The following TACC2 variants were observed in gnomAD, a reference collection of about 807,000 sequenced individuals.
The protein encoded by TACC2 is transforming acidic coiled-coil containing protein 2.
TACC2 carries 137 observed loss-of-function variants against 227.3 expected under a neutral mutation model. The ratio of observed to expected loss-of-function variants is 0.60; its 90% CI spans 0.52 to 0.69. The LOEUF is 0.69. Among genes scored for constraint, TACC2 ranks in the 30% least tolerant of loss-of-function variants. The pLI, the probability that TACC2 is intolerant of heterozygous loss-of-function variation, is 0.00. For synonymous variants in TACC2, 1,523 were observed against 1,487.5 expected (o/e 1.02, Z -0.55); for missense variants, 3,470 against 3,694.4 (o/e 0.94, Z 1.57).
chr10:122,066,058 A>G (rs138575759), intron 3 of TACC2, among the ~76,000 whole-genome samples: 1,674 of 151,926 alleles, frequency 0.011, 10 homozygotes, highest in Non-Finnish European at 0.016. Context: ...TAGGCAGCAT[A>G]GAGTTGGATC....
At chr10:122,156,151 C>A (rs188726720) in intron 7 of TACC2, among the ~76,000 whole-genome samples, 2 of 149,822 alleles carry the variant, frequency 1.3e-5, no homozygotes, top group African/African-American at 2.5e-5. Flanking sequence ...GTGCAAAAAA[C>A]GTTTTTAAGA....
rs1478365512 is a variant in TACC2 at position 122,141,257 on chromosome 10, T to G, written c.5700-2315T>G. Reference sequence around the variant, plus strand: ...GGGGCCCATGTGTTAGCGCTTGGGCTTGGATGGTGAGTCACTGAGTGTTTC... The same window carrying G: ...GGGGCCCATGTGTTAGCGCTTGGGCGTGGATGGTGAGTCACTGAGTGTTTC... On this transcript the variant is annotated intron_variant, in intron 6 of 22. Coordinates refer to ENST00000369005, the MANE Select transcript of TACC2 (RefSeq NM_206862.4). This position sits in a 1 kb window ranked among gnomAD's most constrained non-coding sequence, Gnocchi z 4.3. Among the ~76,000 whole-genome samples the G allele has an allele frequency of 1.3e-5, 2 of 152,042 alleles. No homozygotes were observed. Among genetic ancestry groups the G allele is most frequent in the East Asian group, 1.9e-4 (1 of 5,174 alleles).
At chr10:122,129,768 C>G (rs1268559789) in intron 5 of TACC2, among the ~76,000 whole-genome samples, 2 of 152,172 alleles carry the variant, frequency 1.3e-5, no homozygotes, top group Non-Finnish European at 2.9e-5. Context: ...TTGCAGTGAT[C>G]TCTTTCTCTG....
Position 122,064,737 on chromosome 10 carries a change from C to G in TACC2, c.146+14187C>G, listed in dbSNP as rs1400997192. On this transcript the variant is annotated intron_variant, in intron 3 of 22. Transcript: ENST00000369005. ...CCTTAAAAACCCCTTAGGCTCCACC[C>G]ATTCCCCTCCCTCCATCCTCCCACA... Among the ~76,000 whole-genome samples, 17 of 152,184 alleles carry G rather than the reference C, an allele frequency of 1.1e-4. No homozygotes were observed. In the East Asian group the frequency reaches 3.3e-3, roughly 29 times the overall value.
chr10:122,146,145 G>A (rs919726781), intron 7 of TACC2, among the ~76,000 whole-genome samples: 5 of 152,150 alleles, frequency 3.3e-5, no homozygotes, highest in African/African-American at 1.2e-4. Flanking sequence ...GGTAGCTGAG[G>A]ATGGCTTCCC....
At chr10:122,095,540 T>C (rs913194378) in intron 5 of TACC2, among the ~76,000 whole-genome samples, 1 of 152,204 alleles carries the variant, frequency 6.6e-6, no homozygotes, top group Non-Finnish European at 1.5e-5. Context: ...AGGTGGGTGC[T>C]GTTTGTGTAC....
intron 3 of TACC2, among the ~76,000 whole-genome samples, chr10:122,071,817 G>A (rs952126256): frequency 3.7e-4 from 56 of 149,658 alleles, no homozygotes; most frequent in Non-Finnish European, 7.4e-4. Flanking sequence ...AACCCAGAAG[G>A]TGGAGGTTGC....
chr10:122,226,269 G>C (rs2095626403), intron 12 of TACC2, 97 bp from the exon 13 acceptor site: 8 of 796,056 alleles, frequency 1.0e-5, no homozygotes, highest in Middle Eastern at 2.5e-4. Context: ...TCCCTGATGG[G>C]TTATTTGTTC....
chr10:122,179,844 C>T (rs1373248997), intron 7 of TACC2, among the ~76,000 whole-genome samples: 1 of 152,048 alleles, frequency 6.6e-6, no homozygotes, highest in Non-Finnish European at 1.5e-5. Context: ...ATTTGGGAGG[C>T]TGAGGCGACA....
At chr10:122,092,202 T>C (rs957385759) in intron 5 of TACC2, among the ~76,000 whole-genome samples, 3 of 152,258 alleles carry the variant, frequency 2.0e-5, no homozygotes, top group African/African-American at 7.2e-5. Flanking sequence ...CGTTGAATTC[T>C]TTCTCTGCTA....
intron 3 of TACC2, among the ~76,000 whole-genome samples, chr10:122,062,420 C>T (rs551424494): frequency 5.0e-4 from 76 of 152,188 alleles, no homozygotes; most frequent in African/African-American, 1.3e-3. Flanking sequence ...GATTCTGCCT[C>T]GGCCTCCGGA....
Position 122,077,047 on chromosome 10 carries a change from G to A in TACC2, c.147-5600G>A, listed in dbSNP as rs149684036. 8.6e-4 allele frequency among the ~76,000 whole-genome samples: 130 copies of A among 151,318 alleles called. 1 individual carries two copies. The highest frequency in any genetic ancestry group is 2.8e-3 in the African/African-American group (115 of 41,206). On this transcript the variant is annotated intron_variant, in intron 3 of 22. Transcript: ENST00000369005. ...CGAGAATTGCCTGAACCCAGGAGGC[G>A]GAGGTTGCAGTGAGCAGAGATTGCG...
chr10:122,049,719 A>T (rs992450381), intron 2 of TACC2, among the ~76,000 whole-genome samples: 2 of 152,108 alleles, frequency 1.3e-5, no homozygotes, highest in African/African-American at 4.8e-5. Flanking sequence ...CATCATTTAA[A>T]TGAGGTTCTG....
intron 1 of TACC2, among the ~76,000 whole-genome samples, chr10:122,014,273 G>GCA (rs1956293561): frequency 6.6e-6 from 1 of 151,494 alleles, no homozygotes; most frequent in Middle Eastern, 3.4e-3. Flanking sequence ...GCAATGGCAT[G>GCA]ATCTTGGCTC....
rs1171602592 is a variant in TACC2, at chr10:122,210,347, C to T, written c.5972-50C>T. ...TGTTTTGGTACAAGAGGAGAGGTGCCCCAATGCGTCCTGTGTCTGTAATTG... is the reference window on the plus strand; with the variant it reads ...TGTTTTGGTACAAGAGGAGAGGTGCTCCAATGCGTCCTGTGTCTGTAATTG... On this transcript the variant is annotated intron_variant, in intron 8 of 22. Coordinates refer to ENST00000369005, the MANE Select transcript of TACC2 (RefSeq NM_206862.4). This position sits in a 1 kb window ranked among gnomAD's most constrained non-coding sequence, Gnocchi z 4.6. The T allele has an allele frequency of 4.9e-6, 7 of 1,429,900 alleles. No homozygotes were observed. The East Asian group carries it at 1.4e-4, about 28-fold the overall frequency. The allele number at this position is 1,429,900 out of a possible 1,614,324, so 88.6% of individuals were successfully genotyped here. A position where few individuals can be genotyped will look rare whatever the true frequency, so the allele number is the denominator to read the frequency against.
intron 11 of TACC2, among the ~76,000 whole-genome samples, chr10:122,217,110 C>T (rs766516241): frequency 5.3e-5 from 8 of 152,126 alleles, no homozygotes; most frequent in Non-Finnish European, 7.3e-5. Flanking sequence ...AGCGCCCACT[C>T]GAGCTTTGCC....
chr10:122,001,672 A>G (rs114849624), intron 1 of TACC2, among the ~76,000 whole-genome samples: 1,573 of 152,290 alleles, frequency 0.01, 26 homozygotes, highest in African/African-American at 0.036. Flanking sequence ...TGGTTGTTTC[A>G]TTTTTTAAAC....
At position 122,211,523 on chromosome 10, in the gene TACC2, A is replaced by C; in HGVS notation, c.7098A>C (p.Ser2366=). ...AGTCTCCCAAACTGCCCCAACAATC[A>C]TACAACTTTGACCCAGACACCTGTG... ...MQESPKLPQQ[S]YNFDPDTCDE... The change falls in exon 9 of 23, where the codon TCA becomes TCC. Residue 2366 remains serine, a synonymous_variant. Coordinates refer to ENST00000369005, the MANE Select transcript of TACC2 (RefSeq NM_206862.4). The C allele has an allele frequency of 6.2e-7, 1 of 1,613,894 alleles. No homozygotes were observed.
At chr10:122,143,738 C>T (rs777506384) in intron 7 of TACC2, 32 bp downstream of exon 7, 7 of 1,603,688 alleles carry the variant, frequency 4.4e-6, no homozygotes, top group East Asian at 2.2e-5. Context: ...ACAGCACCTG[C>T]CCCCGGAGAG....
Sources: allele counts gnomAD v4.1 joint callset (sites outside exome capture counted in the v4.1 genomes callset), GRCh38; gene constraint gnomAD v4.1.1; non-coding constraint Gnocchi (gnomAD v3.1); transcripts MANE v1.5; gene names NCBI Gene and HGNC (gene_info 2026-07-23, HGNC 2026-07-21).